The following NEGR1 variants were observed in gnomAD, a reference collection of about 807,000 sequenced individuals.
The protein encoded by NEGR1 is IgLON family member 4.
NEGR1 carries 10 observed loss-of-function variants against 40.9 expected under a neutral mutation model. The observed-to-expected ratio is 0.24, with a 90% CI of 0.15 to 0.42. The LOEUF (loss-of-function observed/expected upper bound fraction) is 0.42. NEGR1 is among the 10% of genes least tolerant of loss of function. The probability of loss-of-function intolerance (pLI) is 1.00; values close to 1 mark genes in which losing one functional copy is unlikely to be tolerated. For missense variants in NEGR1, 352 were observed against 438.9 expected, an observed-to-expected ratio of 0.80 and a Z score of 1.77; for synonymous variants, 185 against 166.8, an observed-to-expected ratio of 1.11 and a Z score of -0.84.
intron 2 of NEGR1, among the ~76,000 whole-genome samples, chr1:71,913,342 T>C (rs965451546): frequency 5.9e-5 from 9 of 152,148 alleles, no homozygotes; most frequent in Admixed American, 1.3e-4. Flanking sequence ...CTTGAACTCC[T>C]GACCTCAGAT....
chr1:71,678,338 C>T (rs532198386), intron 4 of NEGR1, among the ~76,000 whole-genome samples: 2 of 152,108 alleles, frequency 1.3e-5, no homozygotes, highest in Non-Finnish European at 1.5e-5. Flanking sequence ...TTTCTCTTTA[C>T]TACTTTACAA....
intron 6 of NEGR1, among the ~76,000 whole-genome samples, chr1:71,487,710 T>G (rs1224658176): frequency 6.6e-6 from 1 of 151,552 alleles, no homozygotes; most frequent in Non-Finnish European, 1.5e-5. Context: ...AGTAGTTTGT[T>G]ATGAAGCATA....
At chr1:72,139,680 A>G (rs937570358) in intron 1 of NEGR1, among the ~76,000 whole-genome samples, 1 of 152,108 alleles carries the variant, frequency 6.6e-6, no homozygotes, top group South Asian at 2.1e-4. Context: ...CAATCTATCA[A>G]TAAAAAGTCG....
At chr1:71,762,190 A>G (rs558907463) in intron 3 of NEGR1, among the ~76,000 whole-genome samples, 1 of 151,992 alleles carries the variant, frequency 6.6e-6, no homozygotes, top group African/African-American at 2.4e-5. Context: ...AAACTCTGGC[A>G]ATAAGATAGA....
At chr1:71,929,295 A>C (rs1231291305) in intron 2 of NEGR1, among the ~76,000 whole-genome samples, 1 of 152,152 alleles carries the variant, frequency 6.6e-6, no homozygotes, top group Admixed American at 6.6e-5. Flanking sequence ...TGCATTCCTT[A>C]AAGATAAAGA....
intron 4 of NEGR1, among the ~76,000 whole-genome samples, chr1:71,617,811 A>G (rs1650492619): frequency 6.6e-6 from 1 of 152,198 alleles, no homozygotes; most frequent in African/African-American, 2.4e-5. Context: ...GTTTTCTCTT[A>G]TACACAGAAG....
chr1:71,690,304 C>T (rs1026244104), intron 4 of NEGR1, among the ~76,000 whole-genome samples: 1 of 151,920 alleles, frequency 6.6e-6, no homozygotes, highest in Non-Finnish European at 1.5e-5. Flanking sequence ...CATAAATTAT[C>T]TTGCTTCACG....
At chr1:71,506,699 T>G (rs566177368) in intron 6 of NEGR1, among the ~76,000 whole-genome samples, 1 of 152,106 alleles carries the variant, frequency 6.6e-6, no homozygotes, top group East Asian at 1.9e-4. Flanking sequence ...TTAGATATGA[T>G]AAAATACAAA....
intron 1 of NEGR1, among the ~76,000 whole-genome samples, chr1:72,054,173 C>T (rs761688720): frequency 8.6e-5 from 13 of 151,338 alleles, no homozygotes; most frequent in Non-Finnish European, 1.5e-4. Flanking sequence ...GTCTTTTCCA[C>T]CCTAGTGAAA....
At chr1:71,682,599 C>T (rs1652875751) in intron 4 of NEGR1, among the ~76,000 whole-genome samples, 1 of 152,098 alleles carries the variant, frequency 6.6e-6, no homozygotes, top group Non-Finnish European at 1.5e-5. Flanking sequence ...TTTGGGACAA[C>T]AGTAAATTTA....
At chr1:72,207,780 C>G (rs961350660) in intron 1 of NEGR1, among the ~76,000 whole-genome samples, 1 of 151,598 alleles carries the variant, frequency 6.6e-6, no homozygotes, top group African/African-American at 2.4e-5. Flanking sequence ...AATTAAAATT[C>G]ATGAGATTAA....
Position 72,262,399 on chromosome 1 carries a change from G to A in NEGR1, c.176+19920C>T, listed in dbSNP as rs549438922. 3.7e-4 allele frequency among the ~76,000 whole-genome samples: 56 copies of A among 152,070 alleles called. No homozygotes were observed. The South Asian group carries it at 0.011, about 29-fold the overall frequency. On this transcript the variant is annotated intron_variant, in intron 1 of 6. Coordinates refer to ENST00000357731, the MANE Select transcript of NEGR1 (RefSeq NM_173808.3). ...GAAATCTAATTGGAACACAATGGGA[G>A]AAGAATACACAGGGTTCATTACTTT...
intron 6 of NEGR1, among the ~76,000 whole-genome samples, chr1:71,450,999 G>A (rs958457590): frequency 6.6e-6 from 1 of 152,038 alleles, no homozygotes; most frequent in Non-Finnish European, 1.5e-5. Flanking sequence ...TATTTGACAG[G>A]TGTAATCTCT....
chr1:71,982,675 T>C (rs951287639), intron 1 of NEGR1, among the ~76,000 whole-genome samples: 3 of 152,142 alleles, frequency 2.0e-5, no homozygotes, highest in African/African-American at 7.2e-5. Context: ...TTTGCATACA[T>C]GTAAAACTCC....
rs746325643 is a variant in NEGR1, at chr1:72,282,372, G to C, written c.123C>G (p.Pro41=). The C allele has an allele frequency of 6.2e-6, 10 of 1,613,966 alleles. No individual in the cohort carries two copies. In the South Asian group the frequency reaches 1.1e-4, roughly 18 times the overall value. The change falls in exon 1 of 7, where the codon CCC becomes CCG. Residue 41 remains proline, a synonymous_variant. Transcript: ENST00000357731. Reference sequence around the variant, plus strand: ...CCATCATGTTGTCCACGGCCGCCCAGGGGAAGTCCACACTCTGTCCAGCCG... The same window carrying C: ...CCATCATGTTGTCCACGGCCGCCCACGGGAAGTCCACACTCTGTCCAGCCG... ...CLPAGQSVDF[P]WAAVDNMMVR... is the part of the protein sequence containing the mutation.
chr1:71,697,980 T>A, intron 4 of NEGR1, 28 bp downstream of exon 4: 1 of 1,597,170 alleles, frequency 6.3e-7, no homozygotes, highest in Non-Finnish European at 8.5e-7. Context: ...TCTCAGAACT[T>A]ATCTTGATAA....
At chr1:71,925,764 C>T (rs1040419968) in intron 2 of NEGR1, among the ~76,000 whole-genome samples, 1 of 151,662 alleles carries the variant, frequency 6.6e-6, no homozygotes, top group African/African-American at 2.4e-5. Flanking sequence ...TAGATCAAAT[C>T]CCATTAAAAC....
intron 1 of NEGR1, among the ~76,000 whole-genome samples, chr1:72,232,904 G>A (rs975986967): frequency 6.6e-6 from 1 of 152,062 alleles, no homozygotes; most frequent in Non-Finnish European, 1.5e-5. Flanking sequence ...CATCTAAAAC[G>A]GTAGGAAGAT....
At chr1:72,197,722 G>T (rs7529364) in intron 1 of NEGR1, among the ~76,000 whole-genome samples, 1 of 151,802 alleles carries the variant, frequency 6.6e-6, no homozygotes, top group South Asian at 2.1e-4. Flanking sequence ...AAAGCATTTA[G>T]ATTCCCAACC....
Sources: gnomAD v4.1 joint callset for allele counts (sites outside exome capture counted in the v4.1 genomes callset) on GRCh38, gnomAD v4.1.1 for gene constraint, MANE v1.5 for transcripts, NCBI Gene and HGNC (gene_info 2026-07-23, HGNC 2026-07-21) for gene names.